SLC5A4: variants seen among roughly 807,000 people sequenced by gnomAD.
SLC5A4 encodes probable glucose sensor protein SLC5A4.
Under a neutral mutation model 70.3 loss-of-function variants are expected in SLC5A4, and 55 were observed. That is an observed-to-expected ratio of 0.78 (90% CI 0.63 to 0.98). The LOEUF is 0.98. Ranked by LOEUF, SLC5A4 falls within the 50% of genes least tolerant of loss-of-function variation. The probability of loss-of-function intolerance (pLI) is 0.00; values close to 1 mark genes in which losing one functional copy is unlikely to be tolerated. For synonymous variants in SLC5A4, 268 were observed against 305.7 expected, an observed-to-expected ratio of 0.88 and a Z score of 1.29; for missense variants, 735 against 839.2, an observed-to-expected ratio of 0.88 and a Z score of 1.53.
the SLC5A4 span, among the ~76,000 whole-genome samples, chr22:32,309,245 G>A: frequency 6.6e-6 from 1 of 152,166 alleles, no homozygotes; most frequent in African/African-American, 2.4e-5. Flanking sequence ...ACAGATGAGA[G>A]GGAAAGCATA....
chr22:32,298,909 T>C, the SLC5A4 span, among the ~76,000 whole-genome samples: 1 of 102,706 alleles, frequency 9.7e-6, no homozygotes, highest in African/African-American at 3.8e-5. Context: ...CTCCTTCACT[T>C]ATGAAGCTTA....
At chr22:32,272,502 G>C in the SLC5A4 span, 4 of 706,668 alleles carry the variant, frequency 5.7e-6, no homozygotes, top group Non-Finnish European at 2.6e-6. Flanking sequence ...TCTGGCTGCT[G>C]TTACCAGGAG....
the SLC5A4 span, among the ~76,000 whole-genome samples, chr22:32,335,853 T>G: frequency 0.57 from 87,278 of 152,048 alleles, 26,517 homozygotes; most frequent in African/African-American, 0.8. Context: ...GGAAGTCCGA[T>G]CTGGACGGTG....
At chr22:32,285,728 TTTTTTA>T in the SLC5A4 span, among the ~76,000 whole-genome samples, 1 of 147,408 alleles carries the variant, frequency 6.8e-6, no homozygotes, top group African/African-American at 2.5e-5. Context: ...TTTTATTTTA[TTTTTTA>T]TTTTTATTTT....
the SLC5A4 span, among the ~76,000 whole-genome samples, chr22:32,291,523 T>C: frequency 1.3e-5 from 2 of 152,214 alleles, no homozygotes; most frequent in Non-Finnish European, 2.9e-5. Context: ...GACATTAGTT[T>C]TCAGTCAAAC....
chr22:32,252,016 T>A, intron 2 of SLC5A4, 142 bp from the exon 3 acceptor site: 1 of 596,406 alleles, frequency 1.7e-6, no homozygotes, highest in East Asian at 2.9e-5. Flanking sequence ...GATCACAAGG[T>A]CAGGAGATCA....
chr22:32,333,711 C>T, the SLC5A4 span, among the ~76,000 whole-genome samples: 1 of 151,984 alleles, frequency 6.6e-6, no homozygotes, highest in East Asian at 1.9e-4. Flanking sequence ...TTTCTACTGC[C>T]CAGGACAGTA....
At chr22:32,275,890 C>CT in the SLC5A4 span, among the ~76,000 whole-genome samples, 15 of 152,268 alleles carry the variant, frequency 9.9e-5, no homozygotes, top group African/African-American at 3.6e-4. Flanking sequence ...TGTTTCCTGA[C>CT]TTTTTAATGA....
the SLC5A4 span, among the ~76,000 whole-genome samples, chr22:32,331,707 A>G: frequency 1.5e-4 from 23 of 152,090 alleles, no homozygotes; most frequent in Non-Finnish European, 3.4e-4. Context: ...GGACGTGGGC[A>G]TGGGAAGCAA....
chr22:32,277,799 C>T, the SLC5A4 span, among the ~76,000 whole-genome samples: 12 of 152,304 alleles, frequency 7.9e-5, no homozygotes, highest in East Asian at 5.8e-4. Context: ...CTGCCCGCCT[C>T]GGCCTCCCAA....
chr22:32,271,825 C>A, the SLC5A4 span: 1 of 608,032 alleles, frequency 1.6e-6, no homozygotes, highest in South Asian at 1.5e-5. Flanking sequence ...CCTATGATTC[C>A]CCGTGGCCTG....
At chr22:32,305,045 TC>T in the SLC5A4 span, among the ~76,000 whole-genome samples, 176 of 152,360 alleles carry the variant, frequency 1.2e-3, no homozygotes, top group Non-Finnish European at 1.2e-3. Context: ...TTTATGTAGG[TC>T]TATTTCTGGG....
chr22:32,331,014 C>G, the SLC5A4 span, among the ~76,000 whole-genome samples: 2 of 74,084 alleles, frequency 2.7e-5, no homozygotes, highest in African/African-American at 5.2e-5. Context: ...GTTGGGGGCT[C>G]TGGTGTGTGT....
chr22:32,342,364 G>A, the SLC5A4 span, among the ~76,000 whole-genome samples: 10,726 of 152,114 alleles, frequency 0.071, 577 homozygotes, highest in East Asian at 0.15. Flanking sequence ...GATGGAAGAA[G>A]CAAATCTTGA....
chr22:32,324,561 ACC>A, the SLC5A4 span, among the ~76,000 whole-genome samples: 2 of 151,910 alleles, frequency 1.3e-5, no homozygotes, highest in African/African-American at 4.8e-5. Context: ...ATCCTTCAAG[ACC>A]TCACTCACTG....
chr22:32,227,019 A>G (rs1355772647), intron 11 of SLC5A4, among the ~76,000 whole-genome samples: 1 of 152,086 alleles, frequency 6.6e-6, no homozygotes, highest in Non-Finnish European at 1.5e-5. Flanking sequence ...CTCCCTGAGC[A>G]CCTGGATGAG....
At chr22:32,275,076 T>C in the SLC5A4 span, among the ~76,000 whole-genome samples, 1 of 152,138 alleles carries the variant, frequency 6.6e-6, no homozygotes, top group Non-Finnish European at 1.5e-5. Flanking sequence ...TAGCAGCTTA[T>C]AACTCTATTG....
At chr22:32,333,166 C>A in the SLC5A4 span, among the ~76,000 whole-genome samples, 1 of 151,384 alleles carries the variant, frequency 6.6e-6, no homozygotes, top group Non-Finnish European at 1.5e-5. Flanking sequence ...TGCCGGGACT[C>A]CCAGCCCAGG....
the SLC5A4 span, chr22:32,271,913 A>T: frequency 5.2e-6 from 3 of 577,396 alleles, no homozygotes; most frequent in Non-Finnish European, 1.0e-5. Context: ...TGTGGCCACC[A>T]GCACCAACAC....
Sources: allele counts gnomAD v4.1 joint callset (sites outside exome capture counted in the v4.1 genomes callset), GRCh38; gene constraint gnomAD v4.1.1; transcripts MANE v1.5; gene names NCBI Gene and HGNC (gene_info 2026-07-23, HGNC 2026-07-21).